CAMK1D: variants seen among roughly 807,000 people sequenced by gnomAD.
The protein encoded by CAMK1D is calcium/calmodulin dependent protein kinase ID, also known as calcium/calmodulin-dependent protein kinase type 1D.
A neutral mutation model predicts 47.7 loss-of-function variants in CAMK1D; 9 were observed. That is an observed-to-expected ratio of 0.19 (90% CI 0.11 to 0.33). CAMK1D has a LOEUF of 0.33. CAMK1D is among the 10% of genes least tolerant of loss of function. The pLI, the probability that CAMK1D is intolerant of heterozygous loss-of-function variation, is 1.00. For missense variants in CAMK1D, 291 were observed against 488.7 expected (o/e 0.60, Z 3.81); for synonymous variants, 184 against 184.9 (o/e 0.99, Z 0.04).
At chr10:12,393,759 G>A (rs892920526) in intron 1 of CAMK1D, among the ~76,000 whole-genome samples, 13 of 152,190 alleles carry the variant, frequency 8.5e-5, no homozygotes, top group African/African-American at 2.4e-4. Context: ...AGGTGGGGAC[G>A]GTGGCTGAGC....
At chr10:12,350,029 T>C in intron 1 of CAMK1D, 119 bp downstream of exon 1, 1 of 402,936 alleles carries the variant, frequency 2.5e-6, no homozygotes, top group South Asian at 3.1e-5. Flanking sequence ...CGCGTCCTCA[T>C]TGTCCCGTTC....
In CAMK1D at chr10:12,808,581, C is replaced by T. The variant is rs186929570; in HGVS notation, c.642-5614C>T. On this transcript the variant is annotated intron_variant, in intron 6 of 10. Transcript: ENST00000619168. The stretch of plus-strand genomic sequence containing the variant: ...TCACCTGAGGTCAGGAGTTTGAGAC[C>T]AGCCTGGCCAACATGGTGAAACCTC... Among the ~76,000 whole-genome samples, 455 of 152,216 alleles carry T rather than the reference C, an allele frequency of 3.0e-3. 1 individual carries two copies. The highest frequency in any genetic ancestry group is 4.9e-3 in the Admixed American group (75 of 15,290).
At chr10:12,650,780 T>G (rs1296481109) in intron 2 of CAMK1D, among the ~76,000 whole-genome samples, 1 of 152,226 alleles carries the variant, frequency 6.6e-6, no homozygotes, top group Non-Finnish European at 1.5e-5. Flanking sequence ...GTTTATTTAT[T>G]ATCAAAAACA....
At chr10:12,353,045 G>T (rs527264453) in intron 1 of CAMK1D, among the ~76,000 whole-genome samples, 1 of 152,228 alleles carries the variant, frequency 6.6e-6, no homozygotes, top group East Asian at 1.9e-4. Context: ...CCGCCTCTGT[G>T]TACTTTCTAG....
At chr10:12,680,491 T>C (rs904679792) in intron 3 of CAMK1D, among the ~76,000 whole-genome samples, 6 of 152,230 alleles carry the variant, frequency 3.9e-5, no homozygotes, top group African/African-American at 1.2e-4. Context: ...CAAGCACAGA[T>C]GTTAGAAATC....
chr10:12,529,850 G>T (rs1835748394), intron 1 of CAMK1D, among the ~76,000 whole-genome samples: 1 of 152,154 alleles, frequency 6.6e-6, no homozygotes, highest in African/African-American at 2.4e-5. Context: ...CTTTCAGGAT[G>T]AATATGATTA....
chr10:12,611,609 T>G (rs867810099), intron 2 of CAMK1D, among the ~76,000 whole-genome samples: 242 of 124,672 alleles, frequency 1.9e-3, no homozygotes, highest in Admixed American at 6.2e-3. Context: ...TTTTTTTTTT[T>G]GAGACAGAGT....
At chr10:12,360,452 C>T (rs1309518582) in intron 1 of CAMK1D, among the ~76,000 whole-genome samples, 1 of 152,118 alleles carries the variant, frequency 6.6e-6, no homozygotes, top group African/African-American at 2.4e-5. Context: ...AGCAGGCCAG[C>T]GTCCCCTGCC....
intron 2 of CAMK1D, among the ~76,000 whole-genome samples, chr10:12,664,578 T>C (rs1011734433): frequency 2.0e-5 from 3 of 152,234 alleles, no homozygotes; most frequent in Admixed American, 1.3e-4. Context: ...GACAGCCTTC[T>C]TGACTCAACC....
At chr10:12,397,220 T>G (rs866665794) in intron 1 of CAMK1D, among the ~76,000 whole-genome samples, 1 of 152,180 alleles carries the variant, frequency 6.6e-6, no homozygotes. Context: ...TGTGCCTGTT[T>G]TTAACATAAG....
At chr10:12,788,961 G>A (rs1837855183) in intron 5 of CAMK1D, among the ~76,000 whole-genome samples, 1 of 152,226 alleles carries the variant, frequency 6.6e-6, no homozygotes, top group Non-Finnish European at 1.5e-5. Flanking sequence ...GCAGACTAAA[G>A]CCAGTTTCGG....
intron 1 of CAMK1D, among the ~76,000 whole-genome samples, chr10:12,386,896 A>G (rs1374181075): frequency 1.3e-5 from 2 of 152,148 alleles, no homozygotes; most frequent in African/African-American, 2.4e-5. Context: ...ATAATAATGT[A>G]GAACTACGAA....
At chr10:12,365,639 C>T (rs1473853417) in intron 1 of CAMK1D, among the ~76,000 whole-genome samples, 2 of 151,926 alleles carry the variant, frequency 1.3e-5, no homozygotes, top group East Asian at 2.0e-4. Context: ...AGGGTTTCAC[C>T]GTGTTAGCCA....
At chr10:12,541,650 G>A (rs190062577) in intron 1 of CAMK1D, among the ~76,000 whole-genome samples, 160 of 152,250 alleles carry the variant, frequency 1.1e-3, no homozygotes, top group Non-Finnish European at 1.7e-3. Context: ...GTGAGCCACT[G>A]CGCCCAGCTG....
chr10:12,394,729 G>C (rs1838878382), intron 1 of CAMK1D, among the ~76,000 whole-genome samples: 1 of 152,144 alleles, frequency 6.6e-6, no homozygotes, highest in African/African-American at 2.4e-5. Context: ...GTTAGAAAGG[G>C]GGGTAAAGGT....
intron 2 of CAMK1D, among the ~76,000 whole-genome samples, chr10:12,585,305 G>T (rs1837782868): frequency 6.6e-6 from 1 of 152,198 alleles, no homozygotes; most frequent in South Asian, 2.1e-4. Flanking sequence ...GGCACTCAGT[G>T]ATGCCGGGCC....
chr10:12,502,033 G>C (rs1337440349), intron 1 of CAMK1D, among the ~76,000 whole-genome samples: 1 of 146,750 alleles, frequency 6.8e-6, no homozygotes, highest in Non-Finnish European at 1.5e-5. Context: ...GCTGCAGGGA[G>C]GGCAGGCAGC....
rs888306025 is a variant in CAMK1D at position 12,539,548 on chromosome 10, T to C, written c.93-13677T>C. On this transcript the variant is annotated intron_variant, in intron 1 of 10. Transcript: ENST00000619168. ...TATGCGGCTGGCATTGGGAGCATGT[T>C]GGATGTTTGTAGCAGTCAGAGAGCA... 5.3e-5 allele frequency among the ~76,000 whole-genome samples: 8 copies of C among 152,214 alleles called. No individual in the cohort carries two copies. The South Asian group carries it at 1.7e-3, about 32-fold the overall frequency.
chr10:12,561,254 G>A (rs1836934244), intron 2 of CAMK1D, among the ~76,000 whole-genome samples: 1 of 152,138 alleles, frequency 6.6e-6, no homozygotes, highest in South Asian at 2.1e-4. Context: ...GATGCAGTAA[G>A]TTATTTAGTG....
Sources: allele counts gnomAD v4.1 joint callset (sites outside exome capture counted in the v4.1 genomes callset), GRCh38; gene constraint gnomAD v4.1.1; transcripts MANE v1.5; gene names NCBI Gene and HGNC (gene_info 2026-07-23, HGNC 2026-07-21).